The following ICE2 variants were observed in gnomAD, a reference collection of about 807,000 sequenced individuals.
ICE2 encodes the protein interactor of little elongation complex ELL subunit 2.
A neutral mutation model predicts 105.4 loss-of-function variants in ICE2; 87 were observed. That is an observed-to-expected ratio of 0.83 (90% CI 0.69 to 0.99). The LOEUF (loss-of-function observed/expected upper bound fraction) is 0.99. Among genes scored for constraint, ICE2 ranks in the 50% least tolerant of loss-of-function variants. The pLI is 0.00. For synonymous variants in ICE2, 399 were observed against 392.0 expected (o/e 1.02, Z -0.21); for missense variants, 1,323 against 1,146.7 (o/e 1.15, Z -2.22).
intron 3 of ICE2, among the ~76,000 whole-genome samples, chr15:60,473,625 T>A (rs534869550): frequency 6.6e-6 from 1 of 152,158 alleles, no homozygotes; most frequent in Admixed American, 6.5e-5. Flanking sequence ...GATAGACATA[T>A]GTTCTCTAAA....
chr15:60,474,336 C>T (rs533857380), intron 3 of ICE2, among the ~76,000 whole-genome samples: 7 of 151,990 alleles, frequency 4.6e-5, no homozygotes, highest in Non-Finnish European at 8.8e-5. Context: ...AATATATATA[C>T]GTACCCTCCA....
chr15:60,434,975 T>C (rs763263977), intron 13 of ICE2, among the ~76,000 whole-genome samples: 1 of 152,210 alleles, frequency 6.6e-6, no homozygotes, highest in Admixed American at 6.5e-5. Flanking sequence ...ACACACTGTA[T>C]ATGGGTATTA....
chr15:60,448,625 T>C (rs954349827), intron 10 of ICE2, among the ~76,000 whole-genome samples: 1 of 152,202 alleles, frequency 6.6e-6, no homozygotes, highest in Non-Finnish European at 1.5e-5. Context: ...TCACTGTACA[T>C]GTTAGATAAA....
intron 9 of ICE2, chr15:60,451,742 TC>T: frequency 2.6e-6 from 1 of 381,700 alleles, no homozygotes; most frequent in Non-Finnish European, 3.6e-6. Context: ...CCCTTTGGGG[TC>T]CAGGCCCTTG....
Position 60,468,218 on chromosome 15 carries a change from A to G in ICE2, c.251T>C (p.Met84Thr), listed in dbSNP as rs764036978. 6.2e-7 allele frequency: 1 copy of G among 1,614,094 alleles called. No individual in the cohort carries two copies. The highest frequency in any genetic ancestry group is 8.5e-7 in the Non-Finnish European group (1 of 1,179,962). Residue 84 changes from methionine (M) to threonine (T), a missense_variant, in exon 4 of 16, where the codon ATG becomes ACG. Physicochemically the swap from Met to Thr is moderately conservative, Grantham distance 81 (BLOSUM62 -1). Coordinates refer to ENST00000261520, the MANE Select transcript of ICE2 (RefSeq NM_024611.6). ...AKEKVKTTIGMVLLPKPRVPY... is the reference protein window; with the variant it reads ...AKEKVKTTIGTVLLPKPRVPY... ...AACTCTTGGTTTTGGAAGAAGAACC[A>G]TTCCAATTGTGGTTTTAACTTTTTC...
intron 3 of ICE2, among the ~76,000 whole-genome samples, chr15:60,474,568 G>A (rs1017146179): frequency 6.6e-6 from 1 of 152,128 alleles, no homozygotes; most frequent in Non-Finnish European, 1.5e-5. Flanking sequence ...TGTTAGTCCT[G>A]TTTTTAAATC....
At chr15:60,456,917 GCTA>G (rs2064143208) in intron 5 of ICE2, 123 bp from the exon 6 acceptor site, 4 of 452,870 alleles carry the variant, frequency 8.8e-6, no homozygotes, top group South Asian at 3.6e-5. Flanking sequence ...CATTAATCAA[GCTA>G]CTAATACACA....
intron 15 of ICE2, among the ~76,000 whole-genome samples, chr15:60,425,363 T>C (rs1295915461): frequency 6.6e-6 from 1 of 152,232 alleles, no homozygotes; most frequent in African/African-American, 2.4e-5. Context: ...TAATTCTATC[T>C]GTTAAAATTT....
intron 13 of ICE2, among the ~76,000 whole-genome samples, chr15:60,434,629 G>A (rs923344859): frequency 6.6e-6 from 1 of 151,626 alleles, no homozygotes; most frequent in Admixed American, 6.6e-5. Context: ...GATAGAACTG[G>A]AAGTCATTAT....
At chr15:60,432,724 C>A (rs1020016530) in intron 13 of ICE2, among the ~76,000 whole-genome samples, 4 of 151,806 alleles carry the variant, frequency 2.6e-5, no homozygotes, top group African/African-American at 9.7e-5. Flanking sequence ...AACCTCATCT[C>A]TACTAAAAAT....
intron 13 of ICE2, among the ~76,000 whole-genome samples, chr15:60,435,238 G>A (rs1386617888): frequency 4.2e-5 from 6 of 141,804 alleles, no homozygotes; most frequent in Non-Finnish European, 7.8e-5. Flanking sequence ...CCGAGATCAC[G>A]CCACTGCACT....
chr15:60,435,865 T>C (rs924491598), intron 13 of ICE2, among the ~76,000 whole-genome samples: 1 of 151,306 alleles, frequency 6.6e-6, no homozygotes. Context: ...AGTCCCTACT[T>C]GGGAGGCTGA....
At chr15:60,476,906 C>G (rs1225966074) in intron 2 of ICE2, among the ~76,000 whole-genome samples, 1 of 152,192 alleles carries the variant, frequency 6.6e-6, no homozygotes, top group Non-Finnish European at 1.5e-5. Context: ...TAAACCACAA[C>G]TAGTTCCACA....
At chr15:60,475,679 T>C (rs769462228) in intron 3 of ICE2, among the ~76,000 whole-genome samples, 2 of 152,154 alleles carry the variant, frequency 1.3e-5, no homozygotes, top group Non-Finnish European at 1.5e-5. Flanking sequence ...TTGTATTATA[T>C]ACCTGTATAT....
intron 6 of ICE2, among the ~76,000 whole-genome samples, chr15:60,455,743 G>T (rs556902596): frequency 1.3e-5 from 2 of 151,826 alleles, no homozygotes; most frequent in African/African-American, 4.8e-5. Flanking sequence ...TCAGCCTCAC[G>T]AATAGCTGGG....
chr15:60,429,036 T>C (rs979715836), intron 14 of ICE2, among the ~76,000 whole-genome samples: 1 of 152,188 alleles, frequency 6.6e-6, no homozygotes, highest in Admixed American at 6.5e-5. Context: ...TCCTACAGCA[T>C]TTTCATTCAT....
intron 2 of ICE2, among the ~76,000 whole-genome samples, chr15:60,476,530 T>A (rs759503009): frequency 1.3e-5 from 2 of 152,212 alleles, no homozygotes; most frequent in Non-Finnish European, 2.9e-5. Context: ...GGACATAACA[T>A]TAAGATACTT....
chr15:60,447,069 G>T (rs2063838017), intron 11 of ICE2, among the ~76,000 whole-genome samples: 1 of 151,980 alleles, frequency 6.6e-6, no homozygotes, highest in South Asian at 2.1e-4. Context: ...ATTTTTAAAA[G>T]AAGTAATTAC....
Position 60,436,180 on chromosome 15 carries a change from T to C in ICE2, c.2473A>G (p.Thr825Ala). 1 of 1,470,288 alleles carries C rather than the reference T, an allele frequency of 6.8e-7. No homozygotes were observed. The highest frequency in any genetic ancestry group is 9.1e-7 in the Non-Finnish European group (1 of 1,093,506). The allele number at this position is 1,470,288 out of a possible 1,614,324, so 91.1% of individuals were successfully genotyped here. A position where few individuals can be genotyped will look rare whatever the true frequency, so the allele number is the denominator to read the frequency against. ...TSKLFLLEEI[T>A]SEELKEKLSA... ...AGCTTTTCTTTTAATTCTTCTGAGG[T>C]AATTTCTTCCAGTAGAAAAAGTTTT... Residue 825 changes from threonine (T) to alanine (A), a missense_variant, in exon 13 of 16, where the codon ACC (threonine) becomes GCC (alanine). Thr to Ala is a moderately conservative substitution (Grantham distance 58). Transcript: ENST00000261520.
Sources: allele counts gnomAD v4.1 joint callset (sites outside exome capture counted in the v4.1 genomes callset), GRCh38; gene constraint gnomAD v4.1.1; transcripts MANE v1.5; gene names NCBI Gene and HGNC (gene_info 2026-07-23, HGNC 2026-07-21).